Variants in CNTNAP2 observed in about 807,000 individuals in gnomAD.
CNTNAP2 encodes the protein contactin associated protein 2.
A neutral mutation model predicts 155.2 loss-of-function variants in CNTNAP2; 98 were observed. The observed-to-expected ratio is 0.63, with a 90% confidence interval of 0.54 to 0.75. CNTNAP2 has a LOEUF of 0.75. Ranked by LOEUF, CNTNAP2 falls within the 30% of genes least tolerant of loss-of-function variation. CNTNAP2 has a pLI of 0.00. For missense variants in CNTNAP2, 1,727 were observed against 1,688.1 expected (o/e 1.02, Z -0.40); for synonymous variants, 651 against 631.2 (o/e 1.03, Z -0.47).
At chr7:146,224,852 A>G (rs991871999) in intron 1 of CNTNAP2, among the ~76,000 whole-genome samples, 1 of 152,216 alleles carries the variant, frequency 6.6e-6, no homozygotes, top group Non-Finnish European at 1.5e-5. Flanking sequence ...GAATTTCCTC[A>G]TTAACAGATG....
At chr7:148,010,259 T>C (rs1353038069) in intron 15 of CNTNAP2, among the ~76,000 whole-genome samples, 2 of 151,658 alleles carry the variant, frequency 1.3e-5, no homozygotes, top group Non-Finnish European at 2.9e-5. Context: ...AAACCAAATA[T>C]TAATGTTTAT....
At chr7:146,119,131 G>A (rs1390314471) in intron 1 of CNTNAP2, among the ~76,000 whole-genome samples, 2 of 151,934 alleles carry the variant, frequency 1.3e-5, no homozygotes, top group Non-Finnish European at 2.9e-5. Context: ...AGAAAAAGAT[G>A]GAAACTACAT....
chr7:148,155,208 T>C (rs142636613), intron 17 of CNTNAP2, among the ~76,000 whole-genome samples: 7 of 152,278 alleles, frequency 4.6e-5, no homozygotes, highest in East Asian at 1.9e-4. Context: ...GAGACAGAGA[T>C]GGGATTTGGT....
intron 2 of CNTNAP2, among the ~76,000 whole-genome samples, chr7:146,824,784 G>A (rs1250488690): frequency 6.6e-6 from 1 of 151,696 alleles, no homozygotes; most frequent in Non-Finnish European, 1.5e-5. Flanking sequence ...GTGATGTGGT[G>A]GTCATAAAGA....
At chr7:147,346,353 A>G (rs1795862859) in intron 9 of CNTNAP2, among the ~76,000 whole-genome samples, 1 of 150,536 alleles carries the variant, frequency 6.6e-6, no homozygotes, top group South Asian at 2.1e-4. Context: ...ACGGGGTTTC[A>G]CCTTGTTAGC....
In CNTNAP2 at chr7:146,241,835, C is replaced by A. The variant is rs552191438; in HGVS notation, c.97+124862C>A. ...ATATATATACCTATACACACACACA[C>A]ACAAACACACACGCACACACACAAA... On this transcript the variant is annotated intron_variant, in intron 1 of 23. Coordinates refer to ENST00000361727, the MANE Select transcript of CNTNAP2 (RefSeq NM_014141.6). Among the ~76,000 whole-genome samples, 80 of 144,172 alleles carry A rather than the reference C, an allele frequency of 5.5e-4. 1 individual carries two copies. Among genetic ancestry groups the A allele is most frequent in the African/African-American group, 2.1e-3 (72 of 33,930 alleles). 94.6% of individuals were successfully genotyped at this position (144,172 alleles called of 152,430 possible). A position where few individuals can be genotyped will look rare whatever the true frequency, so the allele number is the denominator to read the frequency against.
chr7:146,472,171 G>A (rs959663819), intron 1 of CNTNAP2, among the ~76,000 whole-genome samples: 1 of 152,156 alleles, frequency 6.6e-6, no homozygotes, highest in Non-Finnish European at 1.5e-5. Context: ...ACAGTGGGTG[G>A]ATATGACTAC....
chr7:146,252,728 T>G (rs1041817523), intron 1 of CNTNAP2, among the ~76,000 whole-genome samples: 2 of 151,732 alleles, frequency 1.3e-5, no homozygotes. Flanking sequence ...TGCCTTATAT[T>G]CTTAAAAAGA....
chr7:146,768,936 G>C (rs1250724090), intron 1 of CNTNAP2, among the ~76,000 whole-genome samples: 3 of 152,096 alleles, frequency 2.0e-5, no homozygotes, highest in Admixed American at 2.0e-4. Flanking sequence ...CTTTAATCTT[G>C]TAAACTCCTG....
At chr7:146,906,783 C>G (rs571565601) in intron 3 of CNTNAP2, among the ~76,000 whole-genome samples, 28 of 152,158 alleles carry the variant, frequency 1.8e-4, no homozygotes, top group African/African-American at 6.0e-4. Flanking sequence ...TCACCAGCAA[C>G]GGAACAAAGC....
At position 147,585,848 on chromosome 7, in the gene CNTNAP2, T is replaced by C. The variant is rs200805507; in HGVS notation, c.1897+23591T>C. On this transcript the variant is annotated intron_variant, in intron 12 of 23. Transcript: ENST00000361727. ...GTATGTGTTTATATATAATACTTTA[T>C]AGGCTATATGTCAGTAAAATATTTG... Among the ~76,000 whole-genome samples, 4 of 152,128 alleles carry C rather than the reference T, an allele frequency of 2.6e-5. No individual in the cohort carries two copies. The East Asian group carries it at 7.7e-4, about 29-fold the overall frequency.
At chr7:146,290,219 G>C (rs142135980) in intron 1 of CNTNAP2, among the ~76,000 whole-genome samples, 42 of 152,178 alleles carry the variant, frequency 2.8e-4, no homozygotes, top group African/African-American at 9.4e-4. Flanking sequence ...CACATCCCCA[G>C]GCCTGGGTAA....
At chr7:147,373,207 A>G (rs1310002483) in intron 9 of CNTNAP2, among the ~76,000 whole-genome samples, 3 of 152,074 alleles carry the variant, frequency 2.0e-5, no homozygotes, top group Non-Finnish European at 2.9e-5. Flanking sequence ...CACTGAGAAA[A>G]GGTAAAGAAT....
intron 1 of CNTNAP2, among the ~76,000 whole-genome samples, chr7:146,478,965 C>A (rs915159859): frequency 6.6e-6 from 1 of 152,124 alleles, no homozygotes; most frequent in African/African-American, 2.4e-5. Context: ...CCTTCCTTTT[C>A]TGTTCTCTAC....
At chr7:147,626,370 G>T (rs1201101828) in intron 12 of CNTNAP2, among the ~76,000 whole-genome samples, 1 of 151,798 alleles carries the variant, frequency 6.6e-6, no homozygotes, top group Non-Finnish European at 1.5e-5. Context: ...CTCACTAATG[G>T]CTATTCCCCA....
intron 8 of CNTNAP2, among the ~76,000 whole-genome samples, chr7:147,199,692 G>A (rs1802883216): frequency 6.6e-6 from 1 of 151,556 alleles, no homozygotes; most frequent in Non-Finnish European, 1.5e-5. Flanking sequence ...TGAATATTGA[G>A]ATTCTTTAGA....
chr7:146,328,534 T>TGTGTGC (rs1554417618), intron 1 of CNTNAP2, among the ~76,000 whole-genome samples: 2,264 of 152,030 alleles, frequency 0.015, 45 homozygotes, highest in African/African-American at 0.051. Context: ...TGTGTGTGTG[T>TGTGTGC]GTGTGTGTGT....
intron 1 of CNTNAP2, among the ~76,000 whole-genome samples, chr7:146,686,889 A>G (rs1473877941): frequency 2.0e-5 from 3 of 152,204 alleles, no homozygotes; most frequent in South Asian, 2.1e-4. Flanking sequence ...CATGCTGGAA[A>G]TGGTTCTCTC....
chr7:146,502,224 A>AATAT (rs59759183), intron 1 of CNTNAP2, among the ~76,000 whole-genome samples: 7,340 of 93,672 alleles, frequency 0.078, 354 homozygotes, highest in Admixed American at 0.12. Context: ...TATATATATG[A>AATAT]ATATATATAT....
Sources: gnomAD v4.1 joint callset for allele counts (sites outside exome capture counted in the v4.1 genomes callset) on GRCh38, gnomAD v4.1.1 for gene constraint, MANE v1.5 for transcripts, NCBI Gene and HGNC (gene_info 2026-07-23, HGNC 2026-07-21) for gene names.